Variants in DSCAM observed in about 807,000 individuals in gnomAD.
The protein encoded by DSCAM is cell adhesion molecule DSCAM.
DSCAM carries 47 observed loss-of-function variants against 217.7 expected under a neutral mutation model. That is an observed-to-expected ratio of 0.22 (90% confidence interval 0.17 to 0.28). The LOEUF (loss-of-function observed/expected upper bound fraction) is 0.28, where lower values mean the gene tolerates loss of function less well. DSCAM is among the 10% of genes least tolerant of loss of function. DSCAM has a pLI of 1.00. For missense variants in DSCAM, 2,080 were observed against 2,618.3 expected, an observed-to-expected ratio of 0.79 and a Z score of 4.49; for synonymous variants, 1,056 against 1,015.3, an observed-to-expected ratio of 1.04 and a Z score of -0.76.
intron 4 of DSCAM, among the ~76,000 whole-genome samples, chr21:40,361,149 C>A (rs931094165): frequency 2.0e-5 from 3 of 149,664 alleles, no homozygotes; most frequent in South Asian, 4.2e-4. Context: ...ATATATATTA[C>A]AAAAATTATT....
intron 14 of DSCAM, among the ~76,000 whole-genome samples, chr21:40,179,885 T>TTTGGGC (rs1730095591): frequency 6.6e-6 from 1 of 152,158 alleles, no homozygotes; most frequent in Admixed American, 6.5e-5. Flanking sequence ...TTGTTGACTG[T>TTTGGGC]AGGTGTGTGG....
At chr21:40,052,462 C>T (rs940921001) in intron 29 of DSCAM, among the ~76,000 whole-genome samples, 3 of 152,232 alleles carry the variant, frequency 2.0e-5, no homozygotes, top group Middle Eastern at 3.4e-3. Flanking sequence ...ACATCATCTG[C>T]GATGCCAGCC....
intron 19 of DSCAM, among the ~76,000 whole-genome samples, chr21:40,124,797 T>C (rs946633030): frequency 1.3e-5 from 2 of 152,102 alleles, no homozygotes; most frequent in African/African-American, 4.8e-5. Flanking sequence ...AGACAGCAAA[T>C]AAATTCCTAA....
chr21:40,358,279 T>A (rs1214953960), intron 4 of DSCAM, among the ~76,000 whole-genome samples: 2 of 152,198 alleles, frequency 1.3e-5, no homozygotes, highest in African/African-American at 2.4e-5. Context: ...ATGACATTTT[T>A]AAAAAATGGC....
chr21:40,360,115 T>C (rs11909511), intron 4 of DSCAM, among the ~76,000 whole-genome samples: 5,200 of 137,592 alleles, frequency 0.038, 410 homozygotes, highest in African/African-American at 0.099. Flanking sequence ...TGGTACTTCA[T>C]AGGTAGTCTT....
In DSCAM at chr21:40,472,500, TC is replaced by T. The variant is rs567957431; in HGVS notation, c.509-103256del. On this transcript the variant is annotated intron_variant, in intron 3 of 32. Coordinates refer to ENST00000400454, the MANE Select transcript of DSCAM (RefSeq NM_001389.5). ...AAATTTTAATGGAGGTACACATGCA[TC>T]TTGTTGTATTGGATATACTGTTTCC... 4.3e-3 allele frequency among the ~76,000 whole-genome samples: 659 copies of T among 152,324 alleles called. 6 individuals are homozygous for T. The highest frequency in any genetic ancestry group is 5.4e-3 in the Non-Finnish European group (364 of 68,034).
At chr21:40,271,477 G>T (rs73225100) in intron 11 of DSCAM, among the ~76,000 whole-genome samples, 1 of 152,308 alleles carries the variant, frequency 6.6e-6, no homozygotes, top group Non-Finnish European at 1.5e-5. Context: ...GCAGAAAGTT[G>T]GGAGCGGGGA....
At chr21:40,659,497 T>C (rs755969879) in intron 3 of DSCAM, among the ~76,000 whole-genome samples, 1 of 152,194 alleles carries the variant, frequency 6.6e-6, no homozygotes, top group Non-Finnish European at 1.5e-5. Context: ...ACTATTTATC[T>C]ATTATCTATC....
chr21:40,761,246 G>A (rs2091331744), intron 1 of DSCAM, among the ~76,000 whole-genome samples: 1 of 152,142 alleles, frequency 6.6e-6, no homozygotes, highest in Non-Finnish European at 1.5e-5. Context: ...AAGTCTCCCA[G>A]CTCGGTACCT....
intron 3 of DSCAM, among the ~76,000 whole-genome samples, chr21:40,566,040 A>G (rs1339140704): frequency 1.3e-5 from 2 of 152,240 alleles, no homozygotes; most frequent in Non-Finnish European, 2.9e-5. Flanking sequence ...GTCTAGACGT[A>G]AGCCAAACTC....
intron 3 of DSCAM, among the ~76,000 whole-genome samples, chr21:40,617,016 CAAAA>C (rs1223963613): frequency 2.9e-5 from 2 of 68,940 alleles, no homozygotes; most frequent in African/African-American, 1.2e-4. Context: ...GACTCCGTCT[CAAAA>C]AAAAAAAAAA....
chr21:40,297,734 T>G (rs1342938542), intron 9 of DSCAM, among the ~76,000 whole-genome samples: 1 of 152,224 alleles, frequency 6.6e-6, no homozygotes, highest in Non-Finnish European at 1.5e-5. Context: ...TTCACCGCAG[T>G]GTTTCTGGAG....
At chr21:40,625,174 T>C (rs192963549) in intron 3 of DSCAM, among the ~76,000 whole-genome samples, 95 of 152,090 alleles carry the variant, frequency 6.2e-4, no homozygotes, top group Non-Finnish European at 1.3e-3. Flanking sequence ...ATGAGAGATG[T>C]TGATGAAGTT....
intron 11 of DSCAM, among the ~76,000 whole-genome samples, chr21:40,212,190 G>C (rs34442259): frequency 6.6e-6 from 1 of 151,868 alleles, no homozygotes; most frequent in Non-Finnish European, 1.5e-5. Flanking sequence ...GGCTGATCTC[G>C]AATTCCTGAC....
intron 1 of DSCAM, among the ~76,000 whole-genome samples, chr21:40,843,788 T>G (rs2092121973): frequency 7.2e-6 from 1 of 138,738 alleles, no homozygotes; most frequent in African/African-American, 2.9e-5. Context: ...CACTGACTTC[T>G]TCTTTTTTTT....
At chr21:40,123,773 GGGAGGGAAGGAA>G (rs946780403) in intron 20 of DSCAM, among the ~76,000 whole-genome samples, 7 of 150,430 alleles carry the variant, frequency 4.7e-5, no homozygotes, top group African/African-American at 1.5e-4. Flanking sequence ...GGGATAGGGT[GGGAGGGAAGGAA>G]GGAGGGAGGG....
At chr21:40,744,704 G>T (rs528181564) in intron 1 of DSCAM, among the ~76,000 whole-genome samples, 1 of 151,790 alleles carries the variant, frequency 6.6e-6, no homozygotes, top group African/African-American at 2.4e-5. Flanking sequence ...CAAATATGCA[G>T]GCATCATCAT....
chr21:40,089,482 C>A (rs2089577115), intron 21 of DSCAM, among the ~76,000 whole-genome samples: 1 of 152,158 alleles, frequency 6.6e-6, no homozygotes, highest in African/African-American at 2.4e-5. Context: ...TGTCCTGGAC[C>A]CCTTCCTAGG....
intron 11 of DSCAM, among the ~76,000 whole-genome samples, chr21:40,256,537 G>A (rs199783344): frequency 1.4e-4 from 21 of 152,208 alleles, no homozygotes; most frequent in African/African-American, 3.1e-4. Flanking sequence ...AAAATTTGCC[G>A]GGCCAGCCAG....
Sources: allele counts gnomAD v4.1 joint callset (sites outside exome capture counted in the v4.1 genomes callset), GRCh38; gene constraint gnomAD v4.1.1; transcripts MANE v1.5; gene names NCBI Gene and HGNC (gene_info 2026-07-23, HGNC 2026-07-21).